The following ITGAL variants were observed in gnomAD, a reference collection of about 807,000 sequenced individuals.
ITGAL encodes the protein integrin subunit alpha L, also known as integrin alpha-L.
A neutral mutation model predicts 138.4 loss-of-function variants in ITGAL; 68 were observed. That is an observed-to-expected ratio of 0.49 (90% CI 0.40 to 0.60). The LOEUF (loss-of-function observed/expected upper bound fraction) is 0.60. ITGAL is among the 20% of genes least tolerant of loss of function. The pLI is 0.00. For synonymous variants in ITGAL, 561 were observed against 584.3 expected (o/e 0.96, Z 0.57); for missense variants, 1,256 against 1,478.6 (o/e 0.85, Z 2.47).
rs2050771691 is a variant in ITGAL at position 30,494,437 on chromosome 16, A to C, written c.1365+74A>C. 1.4e-6 allele frequency: 2 copies of C among 1,449,926 alleles called. No individual in the cohort carries two copies. Among genetic ancestry groups the C allele is most frequent in the African/African-American group, 1.4e-5 (1 of 71,066 alleles). 89.8% of individuals were successfully genotyped at this position (1,449,926 alleles called of 1,614,324 possible). On this transcript the variant is annotated intron_variant, in intron 12 of 30. Transcript: ENST00000356798. The surrounding 1 kb of genome is among the most constrained non-coding windows in gnomAD (Gnocchi z 4.2). ...CATCACACTCCCTTCTGTCCTTTGA[A>C]TGCTCATCCACTTACCATGTGGCAG... is the stretch of plus-strand genomic sequence containing the variant.
intron 9 of ITGAL, 67 bp downstream of exon 9, chr16:30,484,330 C>G (rs1336418304): frequency 5.7e-5 from 86 of 1,511,764 alleles, no homozygotes; most frequent in Non-Finnish European, 7.0e-5. Flanking sequence ...GACATCAGGC[C>G]GGGCTTGGTG....
Position 30,494,183 on chromosome 16 carries a change from TA to T in ITGAL, c.1214-27del. The T allele has an allele frequency of 6.4e-7, 1 of 1,553,170 alleles. No homozygotes were observed. The highest frequency in any genetic ancestry group is 8.8e-7 in the Non-Finnish European group (1 of 1,139,012). ...GTGTTCTTCCAGCATCCTGTGTTCC[TA>T]ACTCCACACCCCACACACTTTCCTC... On this transcript the variant is annotated intron_variant, in intron 11 of 30. Transcript: ENST00000356798. This position sits in a 1 kb window ranked among gnomAD's most constrained non-coding sequence, Gnocchi z 4.2.
At position 30,494,426 on chromosome 16, in the gene ITGAL, C is replaced by G. The variant is rs2050771531; in HGVS notation, c.1365+63C>G. 3.4e-5 allele frequency: 51 copies of G among 1,500,342 alleles called. No individual in the cohort carries two copies. Among genetic ancestry groups the G allele is most frequent in the Non-Finnish European group, 4.5e-5 (50 of 1,110,512 alleles). 92.9% of individuals were successfully genotyped at this position (1,500,342 alleles called of 1,614,324 possible). The stretch of plus-strand genomic sequence containing the variant: ...GGCGGGACACACATCACACTCCCTT[C>G]TGTCCTTTGAATGCTCATCCACTTA... On this transcript the variant is annotated intron_variant, in intron 12 of 30. Coordinates refer to ENST00000356798, the MANE Select transcript of ITGAL (RefSeq NM_002209.3). This position sits in a 1 kb window ranked among gnomAD's most constrained non-coding sequence, Gnocchi z 4.2.
intron 23 of ITGAL, 22 bp from the exon 24 acceptor site, chr16:30,511,028 C>A (rs575745935): frequency 1.9e-6 from 3 of 1,612,352 alleles, no homozygotes; most frequent in South Asian, 2.2e-5. Flanking sequence ...CTAACACTGG[C>A]CTCTTCCTTG....
chr16:30,473,399 C>T (rs2050421304), intron 1 of ITGAL, among the ~76,000 whole-genome samples: 2 of 152,244 alleles, frequency 1.3e-5, no homozygotes, highest in South Asian at 4.1e-4. Context: ...TGCCAATGCA[C>T]TCCAGCCTGG....
chr16:30,492,419 T>A (rs1355352881), intron 11 of ITGAL, among the ~76,000 whole-genome samples: 1 of 144,952 alleles, frequency 6.9e-6, no homozygotes, highest in Non-Finnish European at 1.5e-5. Context: ...CCCAGCTAAT[T>A]TTTTGTATTT....
chr16:30,483,743 G>C (rs2050591924), intron 7 of ITGAL, 84 bp from the exon 8 acceptor site: 2 of 1,434,332 alleles, frequency 1.4e-6, no homozygotes, highest in East Asian at 4.6e-5. Flanking sequence ...AACCAGCATG[G>C]AGGTGACTTG....
intron 9 of ITGAL, among the ~76,000 whole-genome samples, chr16:30,485,734 A>G (rs1331472740): frequency 7.2e-6 from 1 of 139,376 alleles, no homozygotes; most frequent in East Asian, 2.1e-4. Flanking sequence ...GGATCTCGCT[A>G]TGTTGCCTGG....
intron 24 of ITGAL, among the ~76,000 whole-genome samples, chr16:30,512,038 T>C (rs966454144): frequency 2.0e-5 from 3 of 152,224 alleles, no homozygotes; most frequent in Non-Finnish European, 2.9e-5. Context: ...TGGGAACTTC[T>C]TGGTCCTTGG....
intron 17 of ITGAL, among the ~76,000 whole-genome samples, chr16:30,500,983 A>G (rs1351361988): frequency 1.3e-5 from 2 of 151,764 alleles, no homozygotes; most frequent in Non-Finnish European, 2.9e-5. Flanking sequence ...CAGCCTGGGC[A>G]ACAAGAGTGA....
chr16:30,485,871 G>C (rs1361204090), intron 9 of ITGAL, among the ~76,000 whole-genome samples: 2 of 152,004 alleles, frequency 1.3e-5, no homozygotes, highest in Non-Finnish European at 2.9e-5. Context: ...ATCTTCTCTT[G>C]GAGCTCAGGT....
intron 17 of ITGAL, among the ~76,000 whole-genome samples, chr16:30,500,085 T>C (rs1293225108): frequency 2.1e-5 from 3 of 143,678 alleles, no homozygotes; most frequent in African/African-American, 7.7e-5. Flanking sequence ...TATTTATTTA[T>C]TTATTTATTT....
intron 17 of ITGAL, among the ~76,000 whole-genome samples, chr16:30,501,814 T>C (rs2050903408): frequency 6.6e-6 from 1 of 151,966 alleles, no homozygotes; most frequent in African/African-American, 2.4e-5. Flanking sequence ...GTGGATTGCT[T>C]GAGCTTAGGA....
At chr16:30,495,268 A>T (rs1325489013) in intron 13 of ITGAL, among the ~76,000 whole-genome samples, 2 of 152,020 alleles carry the variant, frequency 1.3e-5, no homozygotes, top group Non-Finnish European at 2.9e-5. Context: ...CAGGTGATCC[A>T]CCCACCTCGG....
At chr16:30,507,649 C>CAA (rs543416123) in intron 21 of ITGAL, among the ~76,000 whole-genome samples, 1 of 139,754 alleles carries the variant, frequency 7.2e-6, no homozygotes, top group African/African-American at 2.6e-5. Flanking sequence ...GACTCCATCT[C>CAA]AAAAAAAAAA....
At position 30,519,880 on chromosome 16, in the gene ITGAL, G is replaced by A. The variant is rs1476667082; in HGVS notation, c.3252G>A (p.Val1084=). The change falls in exon 30 of 31, where the codon GTG becomes GTA. Residue 1084 remains valine, a synonymous_variant. Transcript: ENST00000356798. ...LAQVVMKVDV[V]YEKQMLYLYV... is the part of the protein sequence containing the mutation. ...AGGTTGTCATGAAGGTTGACGTGGT[G>A]TATGAGAAGCAGATGCTCTACCTCT... is the stretch of plus-strand genomic sequence containing the variant. 1.2e-6 allele frequency: 2 copies of A among 1,613,820 alleles called. No individual in the cohort carries two copies. Among genetic ancestry groups the A allele is most frequent in the East Asian group, 2.2e-5 (1 of 44,890 alleles).
intron 9 of ITGAL, among the ~76,000 whole-genome samples, chr16:30,487,320 T>A (rs868118538): frequency 6.6e-6 from 1 of 152,154 alleles, no homozygotes; most frequent in African/African-American, 2.4e-5. Flanking sequence ...CTTTAACTCC[T>A]GGGCTCAAGC....
chr16:30,486,082 T>G (rs1352903294), intron 9 of ITGAL, among the ~76,000 whole-genome samples: 1 of 152,160 alleles, frequency 6.6e-6, no homozygotes, highest in Non-Finnish European at 1.5e-5. Context: ...ATTTATATTG[T>G]GGTCACCAGA....
At chr16:30,485,028 C>T (rs1170130312) in intron 9 of ITGAL, among the ~76,000 whole-genome samples, 1 of 152,142 alleles carries the variant, frequency 6.6e-6, no homozygotes, top group Non-Finnish European at 1.5e-5. Context: ...GTGCCAAGGG[C>T]TTGCCTAAAT....
Sources: gnomAD v4.1 joint callset for allele counts (sites outside exome capture counted in the v4.1 genomes callset) on GRCh38, gnomAD v4.1.1 for gene constraint, Gnocchi (gnomAD v3.1) non-coding constraint, MANE v1.5 for transcripts, NCBI Gene and HGNC (gene_info 2026-07-23, HGNC 2026-07-21) for gene names.